RSF1: variants seen among roughly 807,000 people sequenced by gnomAD.
RSF1 encodes remodeling and spacing factor 1, also known as HBV pX-associated protein 8.
RSF1 carries 13 observed loss-of-function variants against 145.2 expected under a neutral mutation model. The observed-to-expected ratio is 0.09, with a 90% CI of 0.06 to 0.14. The LOEUF is 0.14. RSF1 is among the 10% of genes least tolerant of loss of function. The probability of loss-of-function intolerance (pLI) is 1.00; values close to 1 mark genes in which losing one functional copy is unlikely to be tolerated. For synonymous variants in RSF1, 577 were observed against 592.6 expected (o/e 0.97, Z 0.38); for missense variants, 1,517 against 1,718.2 (o/e 0.88, Z 2.07).
intron 9 of RSF1, 37 bp downstream of exon 9, chr11:77,691,122 A>G: frequency 6.4e-7 from 1 of 1,573,958 alleles, no homozygotes; most frequent in Non-Finnish European, 8.7e-7. Context: ...CTGCTCTCAT[A>G]TTCCCAAACA....
rs370426276 is a variant in RSF1, at chr11:77,785,059, TTC to T, written c.188-20372_188-20371del. On this transcript the variant is annotated intron_variant, in intron 1 of 15. Transcript: ENST00000308488. ...GAGTGAAGCTGCCAGACTCATTAGATTCTCTCTCTCTGTTTCTGCGGTCCTAA... is the reference window on the plus strand; with the variant it reads ...GAGTGAAGCTGCCAGACTCATTAGATTCTCTCTCTGTTTCTGCGGTCCTAA... Among the ~76,000 whole-genome samples, 756 of 152,246 alleles carry T rather than the reference TTC, an allele frequency of 5.0e-3. 9 individuals carry two copies. The highest frequency in any genetic ancestry group is 0.017 in the African/African-American group (706 of 41,530).
At chr11:77,773,870 A>C (rs887695711) in intron 1 of RSF1, among the ~76,000 whole-genome samples, 1 of 152,210 alleles carries the variant, frequency 6.6e-6, no homozygotes, top group Non-Finnish European at 1.5e-5. Context: ...AATTTATCCC[A>C]AATGCTGATA....
At chr11:77,798,772 G>A (rs187208624) in intron 1 of RSF1, among the ~76,000 whole-genome samples, 2 of 151,548 alleles carry the variant, frequency 1.3e-5, no homozygotes, top group African/African-American at 2.4e-5. Context: ...ACTCAGAAGT[G>A]GGAGTTGAAC....
chr11:77,785,393 C>G (rs1277432765), intron 1 of RSF1, among the ~76,000 whole-genome samples: 1 of 151,700 alleles, frequency 6.6e-6, no homozygotes, highest in African/African-American at 2.4e-5. Context: ...AGTTTGAGAC[C>G]AGCCTCGCCA....
At chr11:77,733,709 G>A (rs1001445708) in intron 4 of RSF1, among the ~76,000 whole-genome samples, 4 of 152,022 alleles carry the variant, frequency 2.6e-5, no homozygotes, top group Admixed American at 2.6e-4. Flanking sequence ...CTACAGGCAA[G>A]TGCCACCACA....
At chr11:77,804,869 C>T (rs1467192001) in intron 1 of RSF1, among the ~76,000 whole-genome samples, 2 of 152,162 alleles carry the variant, frequency 1.3e-5, no homozygotes, top group Non-Finnish European at 2.9e-5. Flanking sequence ...AGATGGAATT[C>T]AAGTCAAATT....
At chr11:77,791,529 A>T (rs190693808) in intron 1 of RSF1, among the ~76,000 whole-genome samples, 1 of 152,166 alleles carries the variant, frequency 6.6e-6, no homozygotes, top group South Asian at 2.1e-4. Context: ...TATTGTCAGG[A>T]TGCAAATTTT....
At chr11:77,704,306 T>A (rs567059953) in intron 5 of RSF1, among the ~76,000 whole-genome samples, 1 of 152,286 alleles carries the variant, frequency 6.6e-6, no homozygotes, top group South Asian at 2.1e-4. Context: ...AGTGAGATCC[T>A]GTCTCAAAAA....
At chr11:77,767,032 C>G (rs1590875092) in intron 1 of RSF1, among the ~76,000 whole-genome samples, 1 of 152,094 alleles carries the variant, frequency 6.6e-6, no homozygotes, top group Non-Finnish European at 1.5e-5. Context: ...AAGATCTGGG[C>G]TGGATTCTCA....
At chr11:77,828,280 A>T in the RSF1 span, among the ~76,000 whole-genome samples, 1 of 152,068 alleles carries the variant, frequency 6.6e-6, no homozygotes, top group Non-Finnish European at 1.5e-5. Flanking sequence ...GTCTCAAAAA[A>T]ACAAAATACA....
chr11:77,737,621 G>GGGGTGTGTGT (rs1491534916), intron 4 of RSF1, among the ~76,000 whole-genome samples: 1 of 93,496 alleles, frequency 1.1e-5, no homozygotes, highest in Admixed American at 1.2e-4. Flanking sequence ...TGTTTTGGGG[G>GGGGTGTGTGT]GTGTGTGTGT....
At chr11:77,729,808 C>T (rs1412549817) in intron 4 of RSF1, among the ~76,000 whole-genome samples, 3 of 144,726 alleles carry the variant, frequency 2.1e-5, no homozygotes, top group Non-Finnish European at 4.5e-5. Flanking sequence ...ATATAACAAG[C>T]CTTTTGTAAA....
At chr11:77,844,026 C>T in the RSF1 span, among the ~76,000 whole-genome samples, 1 of 152,120 alleles carries the variant, frequency 6.6e-6, no homozygotes, top group South Asian at 2.1e-4. Flanking sequence ...CACCTCCCAC[C>T]GAGTTCCTCT....
At chr11:77,861,518 T>C in the RSF1 span, among the ~76,000 whole-genome samples, 3 of 152,210 alleles carry the variant, frequency 2.0e-5, no homozygotes, top group Non-Finnish European at 4.4e-5. Flanking sequence ...GCACTTGCCC[T>C]GGGCACCCTC....
chr11:77,683,173 C>T (rs540185766), intron 11 of RSF1, among the ~76,000 whole-genome samples: 2 of 152,238 alleles, frequency 1.3e-5, no homozygotes, highest in Admixed American at 6.5e-5. Flanking sequence ...CGCCTGTAGT[C>T]CCAGCTACGT....
At chr11:77,717,765 T>TA (rs1290914524) in intron 5 of RSF1, 1 of 152,218 alleles carries the variant, frequency 6.6e-6, no homozygotes, top group Non-Finnish European at 1.5e-5. Flanking sequence ...TACAGGGAAG[T>TA]AAGTTCTTTT....
At chr11:77,846,296 T>C in the RSF1 span, among the ~76,000 whole-genome samples, 79 of 152,300 alleles carry the variant, frequency 5.2e-4, 1 homozygote, top group Middle Eastern at 0.017. Context: ...GTAATTTAGA[T>C]CTTTTGAGGT....
intron 1 of RSF1, among the ~76,000 whole-genome samples, chr11:77,799,053 G>A (rs1291936834): frequency 6.6e-6 from 1 of 151,186 alleles, no homozygotes; most frequent in Non-Finnish European, 1.5e-5. Context: ...AAAGCTACAC[G>A]CAGAAAAATA....
chr11:77,694,840 G>C (rs573263593), intron 7 of RSF1, among the ~76,000 whole-genome samples: 1 of 152,060 alleles, frequency 6.6e-6, no homozygotes, highest in Non-Finnish European at 1.5e-5. Flanking sequence ...TTCCCTGACC[G>C]ACAGTTTGAA....
Sources: allele counts gnomAD v4.1 joint callset (sites outside exome capture counted in the v4.1 genomes callset), GRCh38; gene constraint gnomAD v4.1.1; transcripts MANE v1.5; gene names NCBI Gene and HGNC (gene_info 2026-07-23, HGNC 2026-07-21).